PTPRT: variants seen among roughly 807,000 people sequenced by gnomAD.
The protein encoded by PTPRT is protein tyrosine phosphatase receptor type T, also known as receptor-type tyrosine-protein phosphatase T.
In PTPRT, 56 loss-of-function variants were observed where a neutral mutation model predicts 176.8. That is an observed-to-expected ratio of 0.32 (90% CI 0.26 to 0.40). The LOEUF (loss-of-function observed/expected upper bound fraction) is 0.40. Among genes scored for constraint, PTPRT ranks in the 10% least tolerant of loss-of-function variants. The pLI, the probability that PTPRT is intolerant of heterozygous loss-of-function variation, is 1.00. For missense variants in PTPRT, 1,540 were observed against 1,908.2 expected, an observed-to-expected ratio of 0.81 and a Z score of 3.60; for synonymous variants, 783 against 739.0, an observed-to-expected ratio of 1.06 and a Z score of -0.96.
In PTPRT at chr20:43,015,658, G is replaced by A. The variant is rs1985331101; in HGVS notation, c.89-129726C>T. Among the ~76,000 whole-genome samples, 4 of 152,144 alleles carry A rather than the reference G, an allele frequency of 2.6e-5. No homozygotes were observed. In the South Asian group the frequency reaches 8.3e-4, roughly 32 times the overall value. On this transcript the variant is annotated intron_variant, in intron 1 of 30. Coordinates refer to ENST00000373187, the MANE Select transcript of PTPRT (RefSeq NM_007050.6). The stretch of plus-strand genomic sequence containing the variant: ...GGCAGGCCTCCCGCACTAAATAAGA[G>A]TTAGATGTGGGACTGTGGAATCAGA...
At chr20:42,070,645 G>A (rs148463953), downstream of PTPRT, among the ~76,000 whole-genome samples, 2 of 152,162 alleles carry the variant, frequency 1.3e-5, no homozygotes, top group East Asian at 1.9e-4. Context: ...AGAAGAAGCA[G>A]GTCTCAGAGT....
At chr20:42,363,112 A>G (rs2058453454) in intron 9 of PTPRT, among the ~76,000 whole-genome samples, 1 of 146,450 alleles carries the variant, frequency 6.8e-6, no homozygotes. Context: ...TCAGAAAAAA[A>G]AAAAAAAAAA....
intron 12 of PTPRT, among the ~76,000 whole-genome samples, chr20:42,298,265 T>C (rs1187026072): frequency 6.6e-6 from 1 of 152,140 alleles, no homozygotes; most frequent in Non-Finnish European, 1.5e-5. Flanking sequence ...ATTTCACTTA[T>C]AAGAAAAAGG....
At chr20:42,661,965 G>A (rs1243127860) in intron 7 of PTPRT, among the ~76,000 whole-genome samples, 1 of 152,180 alleles carries the variant, frequency 6.6e-6, no homozygotes, top group Non-Finnish European at 1.5e-5. Context: ...TCTGGCTCAG[G>A]CATCATTTTG....
intron 7 of PTPRT, among the ~76,000 whole-genome samples, chr20:42,529,688 A>AT (rs2072344780): frequency 6.6e-6 from 1 of 151,792 alleles, no homozygotes; most frequent in African/African-American, 2.4e-5. Context: ...AGGTTTTTCC[A>AT]GTTGGCCAGG....
At chr20:43,130,296 A>G (rs2013603625) in intron 1 of PTPRT, among the ~76,000 whole-genome samples, 1 of 152,194 alleles carries the variant, frequency 6.6e-6, no homozygotes, top group Non-Finnish European at 1.5e-5. Flanking sequence ...GGGGAAAAGT[A>G]GAAAACACTG....
chr20:42,796,871 T>G (rs1444617821), intron 2 of PTPRT, among the ~76,000 whole-genome samples: 2 of 152,240 alleles, frequency 1.3e-5, no homozygotes, highest in East Asian at 1.9e-4. Flanking sequence ...TCTCTGATGA[T>G]CTTAAACAAG....
At chr20:42,395,867 G>A (rs1015027984) in intron 9 of PTPRT, among the ~76,000 whole-genome samples, 1 of 151,862 alleles carries the variant, frequency 6.6e-6, no homozygotes, top group African/African-American at 2.4e-5. Flanking sequence ...TGATGATTCT[G>A]CCTCAAATTT....
chr20:43,176,798 T>C (rs1198456323), intron 1 of PTPRT, among the ~76,000 whole-genome samples: 1 of 152,206 alleles, frequency 6.6e-6, no homozygotes, highest in East Asian at 1.9e-4. Context: ...CTTAAATAGA[T>C]GCCCAGATTA....
chr20:42,311,214 C>G (rs905467184), intron 12 of PTPRT, among the ~76,000 whole-genome samples: 5 of 152,166 alleles, frequency 3.3e-5, no homozygotes, highest in Non-Finnish European at 2.9e-5. Context: ...TCTCAGCACT[C>G]AGAAAAATGC....
In PTPRT at chr20:42,820,076, C is replaced by T. The variant is rs1376211483; in HGVS notation, c.215-28610G>A. Among the ~76,000 whole-genome samples, 4 of 152,150 alleles carry T rather than the reference C, an allele frequency of 2.6e-5. 1 individual carries two copies. The highest frequency in any genetic ancestry group is 2.1e-4 in the South Asian group (1 of 4,830). On this transcript the variant is annotated intron_variant, in intron 2 of 30. Coordinates refer to ENST00000373187, the MANE Select transcript of PTPRT (RefSeq NM_007050.6). ...CTCTGGATCAAGTGGACCTAGTAGA[C>T]GTCTATAGAATTCTCTACACCAAAA... is the stretch of plus-strand genomic sequence containing the variant.
intron 9 of PTPRT, among the ~76,000 whole-genome samples, chr20:42,369,222 A>G (rs1348248976): frequency 6.6e-6 from 1 of 152,020 alleles, no homozygotes; most frequent in East Asian, 1.9e-4. Flanking sequence ...CTCAGTCTCC[A>G]GAGTAATTGG....
chr20:42,849,580 C>G (rs1236190054), intron 2 of PTPRT, among the ~76,000 whole-genome samples: 1 of 152,126 alleles, frequency 6.6e-6, no homozygotes, highest in Non-Finnish European at 1.5e-5. Context: ...TAGGGTGGTA[C>G]AGTGGGCAGA....
chr20:42,457,800 C>T (rs1302558115), intron 8 of PTPRT, among the ~76,000 whole-genome samples: 1 of 152,156 alleles, frequency 6.6e-6, no homozygotes, highest in East Asian at 1.9e-4. Flanking sequence ...TTACCACAGA[C>T]ACTACCCCTT....
chr20:42,275,289 C>A (rs865860645), intron 13 of PTPRT, among the ~76,000 whole-genome samples: 2 of 152,186 alleles, frequency 1.3e-5, no homozygotes, highest in Non-Finnish European at 2.9e-5. Context: ...TTATTTATAA[C>A]CCTTGTCTCT....
At position 42,448,065 on chromosome 20, in the gene PTPRT, A is replaced by G. The variant is rs149291740; in HGVS notation, c.1560+155T>C. Among the ~76,000 whole-genome samples the G allele has an allele frequency of 2.4e-3, 364 of 152,296 alleles. 2 individuals carry two copies. The highest frequency in any genetic ancestry group is 7.9e-3 in the African/African-American group (328 of 41,570). ...TACCAGGACAGCTCCACTGTGTGCC[A>G]TTATGTTTGCACCCCATTGTACTGT... On this transcript the variant is annotated intron_variant, in intron 9 of 30. Coordinates refer to ENST00000373187, the MANE Select transcript of PTPRT (RefSeq NM_007050.6).
intron 9 of PTPRT, among the ~76,000 whole-genome samples, chr20:42,405,244 C>A (rs1485950311): frequency 6.7e-6 from 1 of 149,892 alleles, no homozygotes; most frequent in Non-Finnish European, 1.5e-5. Flanking sequence ...GCATAACGTG[C>A]AGGTTTGTTA....
rs954130616 is a variant in PTPRT, at chr20:42,116,154, T to A, written c.2983-839A>T. 9.8e-6 allele frequency: 7 copies of A among 713,386 alleles called. No individual in the cohort carries two copies. In the African/African-American group the frequency reaches 1.1e-4, roughly 11 times the overall value. The allele number at this position is 713,386 out of a possible 1,614,324, so 44.2% of individuals were successfully genotyped here. ...AAAAAACAAACAAAAAAAGGTTTTG[T>A]GGTCAAATGAGTTTGGGAAATGCTG... On this transcript the variant is annotated intron_variant, in intron 21 of 30. Transcript: ENST00000373187.
rs191641795 is a variant in PTPRT, at chr20:43,103,459, T to C, written c.88+86187A>G. ...AAGAGACAAATTTTAGGAAACTTGC[T>C]GAGAGGCTGAGACCCTTTTCAGATG... On this transcript the variant is annotated intron_variant, in intron 1 of 30. Transcript: ENST00000373187. 5.5e-3 allele frequency among the ~76,000 whole-genome samples: 839 copies of C among 152,310 alleles called. 10 individuals are homozygous for C. The highest frequency in any genetic ancestry group is 0.019 in the African/African-American group (801 of 41,568).
Sources: allele counts gnomAD v4.1 joint callset (sites outside exome capture counted in the v4.1 genomes callset), GRCh38; gene constraint gnomAD v4.1.1; transcripts MANE v1.5; gene names NCBI Gene and HGNC (gene_info 2026-07-23, HGNC 2026-07-21).